The following DRC8 variants were observed in gnomAD, a reference collection of about 807,000 sequenced individuals.
DRC8 encodes dynein regulatory complex subunit 8.
chr1:244,975,860 AAAATAAAT>A, the DRC8 span, among the ~76,000 whole-genome samples: 5 of 152,032 alleles, frequency 3.3e-5, no homozygotes, highest in African/African-American at 4.8e-5. Flanking sequence ...ACTCTGTCTC[AAAATAAAT>A]AAATAAATAA....
chr1:245,078,299 A>G, the DRC8 span, among the ~76,000 whole-genome samples: 1 of 152,198 alleles, frequency 6.6e-6, no homozygotes, highest in Non-Finnish European at 1.5e-5. Flanking sequence ...AAATAGAATT[A>G]CCATATCATC....
At chr1:245,042,134 T>C in the DRC8 span, among the ~76,000 whole-genome samples, 2 of 152,224 alleles carry the variant, frequency 1.3e-5, no homozygotes, top group Non-Finnish European at 2.9e-5. Flanking sequence ...ACAGCAGGGA[T>C]TTTGTCTAAT....
the DRC8 span, among the ~76,000 whole-genome samples, chr1:245,009,354 C>A: frequency 1.3e-5 from 2 of 151,332 alleles, no homozygotes; most frequent in African/African-American, 4.8e-5. Flanking sequence ...TTTCACTGTG[C>A]CTTTGTCAGT....
chr1:245,109,050 A>C, the DRC8 span, among the ~76,000 whole-genome samples: 20 of 152,290 alleles, frequency 1.3e-4, no homozygotes, highest in East Asian at 3.7e-3. Context: ...GCAGGCCAGT[A>C]AAGGGTGTGT....
At chr1:245,092,041 C>T in the DRC8 span, among the ~76,000 whole-genome samples, 1 of 152,188 alleles carries the variant, frequency 6.6e-6, no homozygotes, top group African/African-American at 2.4e-5. Flanking sequence ...AGGTGCATGA[C>T]TCAGGACCCG....
chr1:245,038,426 T>C, the DRC8 span, among the ~76,000 whole-genome samples: 1 of 152,076 alleles, frequency 6.6e-6, no homozygotes, highest in East Asian at 1.9e-4. Context: ...GCTGAGACCG[T>C]GCCACTGCAC....
At chr1:245,043,207 G>A in the DRC8 span, among the ~76,000 whole-genome samples, 5 of 152,222 alleles carry the variant, frequency 3.3e-5, no homozygotes, top group South Asian at 4.1e-4. Context: ...CTAGGCGGGC[G>A]GATCACTTGA....
chr1:245,087,493 G>A, the DRC8 span: 1 of 1,384,666 alleles, frequency 7.2e-7, no homozygotes, highest in Non-Finnish European at 9.3e-7. Context: ...AAGACACTTT[G>A]TTTTTAAAGA....
At chr1:245,079,876 T>C in the DRC8 span, among the ~76,000 whole-genome samples, 1 of 152,114 alleles carries the variant, frequency 6.6e-6, no homozygotes, top group Non-Finnish European at 1.5e-5. Context: ...AGTTGCAGAG[T>C]GCTGCTCAAG....
At chr1:245,017,470 T>C in the DRC8 span, 388 of 847,232 alleles carry the variant, frequency 4.6e-4, 3 homozygotes, top group African/African-American at 6.3e-3. Context: ...CCGTAAAAGG[T>C]CTTTGCTAGC....
At chr1:245,066,246 A>C in the DRC8 span, among the ~76,000 whole-genome samples, 1 of 152,214 alleles carries the variant, frequency 6.6e-6, no homozygotes, top group Non-Finnish European at 1.5e-5. Context: ...GCAGATATAC[A>C]GTTTGCCTCC....
At chr1:245,104,384 A>G in the DRC8 span, among the ~76,000 whole-genome samples, 5 of 152,034 alleles carry the variant, frequency 3.3e-5, no homozygotes, top group Admixed American at 6.5e-5. Context: ...CATGCCTGTA[A>G]TCCCAGCTAC....
chr1:245,084,495 A>G, the DRC8 span, among the ~76,000 whole-genome samples: 1 of 152,202 alleles, frequency 6.6e-6, no homozygotes, highest in Admixed American at 6.5e-5. Flanking sequence ...AACATGGCCC[A>G]TCATACATAT....
chr1:245,105,353 A>G, the DRC8 span, among the ~76,000 whole-genome samples: 1 of 152,168 alleles, frequency 6.6e-6, no homozygotes, highest in East Asian at 1.9e-4. Flanking sequence ...TTTTTTTTTA[A>G]AAAGATTCTA....
the DRC8 span, among the ~76,000 whole-genome samples, chr1:244,985,204 C>T: frequency 2.6e-5 from 4 of 151,850 alleles, no homozygotes; most frequent in Non-Finnish European, 1.5e-5. Context: ...TGCTAGCCTG[C>T]GCACATATTG....
chr1:245,084,711 T>C, the DRC8 span, among the ~76,000 whole-genome samples: 1 of 152,180 alleles, frequency 6.6e-6, no homozygotes, highest in Non-Finnish European at 1.5e-5. Flanking sequence ...GACTGGGTCC[T>C]GAATGACTCA....
chr1:245,104,503 TAAA>T, the DRC8 span, among the ~76,000 whole-genome samples: 3 of 117,734 alleles, frequency 2.5e-5, no homozygotes, highest in Non-Finnish European at 1.9e-5. Flanking sequence ...GACTCTGTCA[TAAA>T]AAAAAAAAAA....
chr1:245,027,795 A>G, the DRC8 span, among the ~76,000 whole-genome samples: 1 of 151,638 alleles, frequency 6.6e-6, no homozygotes, highest in Non-Finnish European at 1.5e-5. Context: ...TGAAATTACC[A>G]CTAACCACAT....
the DRC8 span, among the ~76,000 whole-genome samples, chr1:245,061,945 A>C: frequency 6.6e-6 from 1 of 152,122 alleles, no homozygotes; most frequent in South Asian, 2.1e-4. Context: ...GTCTCTACTA[A>C]AAATAGAAAA....
Sources: gnomAD v4.1 joint callset for allele counts (sites outside exome capture counted in the v4.1 genomes callset) on GRCh38, gnomAD v4.1.1 for gene constraint, MANE v1.5 for transcripts, NCBI Gene and HGNC (gene_info 2026-07-23, HGNC 2026-07-21) for gene names.